The following PDE4B variants were observed in gnomAD, a reference collection of about 807,000 sequenced individuals.
PDE4B encodes the protein 3',5'-cyclic-AMP phosphodiesterase 4B.
PDE4B carries 20 observed loss-of-function variants against 82.2 expected under a neutral mutation model. The ratio of observed to expected loss-of-function variants is 0.24; its 90% CI spans 0.17 to 0.35. PDE4B has a LOEUF of 0.35. Among genes scored for constraint, PDE4B ranks in the 10% least tolerant of loss-of-function variants. PDE4B has a pLI of 1.00. For missense variants in PDE4B, 655 were observed against 907.2 expected (o/e 0.72, Z 3.57); for synonymous variants, 320 against 318.9 (o/e 1.00, Z -0.04).
At chr1:65,915,551 T>C (rs1368769683) in intron 2 of PDE4B, among the ~76,000 whole-genome samples, 1 of 152,072 alleles carries the variant, frequency 6.6e-6, no homozygotes, top group East Asian at 1.9e-4. Context: ...ATGACTGAAA[T>C]AGACAAAACA....
intron 3 of PDE4B, among the ~76,000 whole-genome samples, chr1:66,065,873 A>G (rs1655819853): frequency 1.3e-5 from 2 of 151,898 alleles, no homozygotes; most frequent in African/African-American, 4.8e-5. Flanking sequence ...CGAGTTCATA[A>G]TTAACTCCAA....
At chr1:65,977,011 A>G (rs980188257) in intron 3 of PDE4B, among the ~76,000 whole-genome samples, 1 of 152,156 alleles carries the variant, frequency 6.6e-6, no homozygotes, top group Non-Finnish European at 1.5e-5. Context: ...AGCATTTTTG[A>G]GTTTGAGAAA....
chr1:66,090,621 A>ATATATATATATATGTGTG, intron 3 of PDE4B, among the ~76,000 whole-genome samples: 12 of 122,732 alleles, frequency 9.8e-5, no homozygotes, highest in African/African-American at 4.5e-4. Flanking sequence ...TATATAATAT[A>ATATATATATATATGTGTG]TGTGTGTGTG....
intron 1 of PDE4B, among the ~76,000 whole-genome samples, chr1:65,907,829 AG>A (rs1181368237): frequency 7.9e-5 from 12 of 152,202 alleles, no homozygotes; most frequent in Non-Finnish European, 4.4e-5. Context: ...CTCATCTAAA[AG>A]GAGATGAGTA....
intron 3 of PDE4B, among the ~76,000 whole-genome samples, chr1:65,998,914 C>G (rs1464273762): frequency 6.6e-6 from 1 of 151,384 alleles, no homozygotes; most frequent in Non-Finnish European, 1.5e-5. Context: ...CAATCTGAAT[C>G]AAATGGCAGT....
chr1:65,957,083 T>TCC (rs1207961899), intron 3 of PDE4B, among the ~76,000 whole-genome samples: 3 of 152,096 alleles, frequency 2.0e-5, no homozygotes, highest in Non-Finnish European at 4.4e-5. Context: ...GTTTTTCTTC[T>TCC]TTATTACTGA....
intron 3 of PDE4B, among the ~76,000 whole-genome samples, chr1:66,094,238 A>T (rs1645074927): frequency 6.6e-6 from 1 of 152,024 alleles, no homozygotes; most frequent in Non-Finnish European, 1.5e-5. Flanking sequence ...GACATACAGC[A>T]TGCTTGGTAG....
At chr1:66,016,736 C>T (rs1202590123) in intron 3 of PDE4B, among the ~76,000 whole-genome samples, 1 of 152,102 alleles carries the variant, frequency 6.6e-6, no homozygotes, top group African/African-American at 2.4e-5. Context: ...TTGTAGGTTT[C>T]CCAAACTTCT....
At chr1:66,045,612 C>T (rs1419590215) in intron 3 of PDE4B, among the ~76,000 whole-genome samples, 1 of 151,688 alleles carries the variant, frequency 6.6e-6, no homozygotes, top group African/African-American at 2.4e-5. Flanking sequence ...TCAGGTTCTT[C>T]ACCACAAAGA....
chr1:66,170,612 GAT>G (rs1369796137), intron 3 of PDE4B, among the ~76,000 whole-genome samples: 1 of 152,082 alleles, frequency 6.6e-6, no homozygotes, highest in East Asian at 1.9e-4. Flanking sequence ...ACTACTCCTA[GAT>G]ATATATTTTT....
At chr1:65,902,101 A>C (rs181801530) in intron 1 of PDE4B, among the ~76,000 whole-genome samples, 1 of 151,938 alleles carries the variant, frequency 6.6e-6, no homozygotes, top group African/African-American at 2.4e-5. Flanking sequence ...GTTTTGAGAG[A>C]TCTTCATGGT....
At chr1:66,354,081 G>A (rs950274910) in intron 8 of PDE4B, among the ~76,000 whole-genome samples, 2 of 152,150 alleles carry the variant, frequency 1.3e-5, no homozygotes, top group African/African-American at 2.4e-5. Flanking sequence ...ACTGGCACAC[G>A]CTTGGTGTGT....
chr1:66,294,502 C>T (rs944780854), intron 7 of PDE4B, among the ~76,000 whole-genome samples: 1 of 152,120 alleles, frequency 6.6e-6, no homozygotes, highest in African/African-American at 2.4e-5. Flanking sequence ...TCACTATCTT[C>T]GTAGCCCAAA....
intron 3 of PDE4B, among the ~76,000 whole-genome samples, chr1:66,175,705 T>A (rs898693178): frequency 1.3e-5 from 2 of 152,232 alleles, no homozygotes; most frequent in African/African-American, 4.8e-5. Context: ...GAGGACAATG[T>A]ATGTAACATT....
In PDE4B at chr1:66,103,514, G is replaced by A. The variant is rs77807439; in HGVS notation, c.282-143946G>A. On this transcript the variant is annotated intron_variant, in intron 3 of 16. Transcript: ENST00000341517. ...CTCCCATACATATTAATAGTGATATGGTTTAGACAATAATTTAGCATGATA... is the reference window on the plus strand; with the variant it reads ...CTCCCATACATATTAATAGTGATATAGTTTAGACAATAATTTAGCATGATA... Among the ~76,000 whole-genome samples the A allele has an allele frequency of 9.8e-3, 1,491 of 152,110 alleles. 35 individuals carry two copies. The highest frequency in any genetic ancestry group is 0.034 in the African/African-American group (1,424 of 41,514).
At chr1:65,931,487 A>T (rs1647829951) in intron 3 of PDE4B, among the ~76,000 whole-genome samples, 1 of 152,228 alleles carries the variant, frequency 6.6e-6, no homozygotes, top group Non-Finnish European at 1.5e-5. Flanking sequence ...AATCAATATA[A>T]CAAGGTTTCA....
intron 3 of PDE4B, among the ~76,000 whole-genome samples, chr1:66,186,649 T>C (rs1215797373): frequency 6.6e-6 from 1 of 152,212 alleles, no homozygotes. Flanking sequence ...GTTATTGGTG[T>C]ATAAGAATGC....
intron 3 of PDE4B, among the ~76,000 whole-genome samples, chr1:66,109,050 T>C (rs1028952370): frequency 7.6e-4 from 115 of 152,068 alleles, no homozygotes; most frequent in African/African-American, 2.6e-3. Context: ...CTGCATTAAC[T>C]GAAACAAGTT....
chr1:66,212,064 C>T (rs1650094839), intron 3 of PDE4B, among the ~76,000 whole-genome samples: 1 of 152,212 alleles, frequency 6.6e-6, no homozygotes, highest in Non-Finnish European at 1.5e-5. Flanking sequence ...GCAGCAGCAA[C>T]TATTTACCAA....
Sources: gnomAD v4.1 joint callset for allele counts (sites outside exome capture counted in the v4.1 genomes callset) on GRCh38, gnomAD v4.1.1 for gene constraint, MANE v1.5 for transcripts, NCBI Gene and HGNC (gene_info 2026-07-23, HGNC 2026-07-21) for gene names.